The following C8orf34 variants were observed in gnomAD, a reference collection of about 807,000 sequenced individuals.
C8orf34 encodes the protein chromosome 8 open reading frame 34.
In C8orf34, 65 loss-of-function variants were observed where a neutral mutation model predicts 68.3. That is an observed-to-expected ratio of 0.95 (90% CI 0.78 to 1.17). The LOEUF is 1.17. C8orf34 is among the 50% of genes most tolerant of loss of function. The pLI, the probability that C8orf34 is intolerant of heterozygous loss-of-function variation, is 0.00. For synonymous variants in C8orf34, 244 were observed against 241.2 expected (o/e 1.01, Z -0.11); for missense variants, 664 against 655.4 (o/e 1.01, Z -0.14).
intron 3 of C8orf34, among the ~76,000 whole-genome samples, chr8:68,449,267 G>A (rs926193043): frequency 2.0e-5 from 3 of 151,966 alleles, no homozygotes; most frequent in Non-Finnish European, 2.9e-5. Context: ...AACAAATCAC[G>A]CCAAGACTTT....
intron 3 of C8orf34, among the ~76,000 whole-genome samples, chr8:68,455,306 C>T (rs1301419997): frequency 1.3e-5 from 2 of 152,156 alleles, no homozygotes; most frequent in Non-Finnish European, 2.9e-5. Flanking sequence ...GGTCTTCCTT[C>T]TATTTGCTCC....
At chr8:68,358,045 G>A (rs1382952269) in intron 1 of C8orf34, among the ~76,000 whole-genome samples, 3 of 151,970 alleles carry the variant, frequency 2.0e-5, no homozygotes, top group Non-Finnish European at 2.9e-5. Context: ...CTATTTGAAC[G>A]TAATTTATGC....
chr8:68,762,109 G>A (rs1823040734), intron 10 of C8orf34, among the ~76,000 whole-genome samples: 1 of 152,100 alleles, frequency 6.6e-6, no homozygotes, highest in Non-Finnish European at 1.5e-5. Flanking sequence ...TCTGGTGCTT[G>A]GCCAAGTCAG....
intron 11 of C8orf34, among the ~76,000 whole-genome samples, chr8:68,783,757 A>G (rs2978241): frequency 0.47 from 71,002 of 151,772 alleles, 19,280 homozygotes; most frequent in African/African-American, 0.75. Flanking sequence ...GCTGTGCCCC[A>G]ACCACCTCGG....
chr8:68,420,018 A>T (rs1353394832), intron 1 of C8orf34, among the ~76,000 whole-genome samples: 1 of 151,674 alleles, frequency 6.6e-6, no homozygotes, highest in African/African-American at 2.4e-5. Flanking sequence ...AAAAAAGAAA[A>T]GAAATTATCT....
intron 10 of C8orf34, among the ~76,000 whole-genome samples, chr8:68,766,134 T>A (rs1254988061): frequency 6.6e-6 from 1 of 152,208 alleles, no homozygotes; most frequent in Non-Finnish European, 1.5e-5. Context: ...ACCGCTTATC[T>A]GAAAAATCAA....
chr8:68,369,478 G>A lies in C8orf34; in HGVS notation c.327+38139G>A, dbSNP rs1411887936. 2.0e-5 allele frequency among the ~76,000 whole-genome samples: 3 copies of A among 152,182 alleles called. No homozygotes were observed. The East Asian group carries it at 5.8e-4, about 29-fold the overall frequency. On this transcript the variant is annotated intron_variant, in intron 1 of 13. Coordinates refer to ENST00000518698, the MANE Select transcript of C8orf34 (RefSeq NM_052958.4). The stretch of plus-strand genomic sequence containing the variant: ...GCCTCTTCTTTCTTTTTAGTCACTG[G>A]TCGTAATCAATTTTCCATGAAGGAC...
chr8:68,715,677 G>A (rs910697606), intron 9 of C8orf34, among the ~76,000 whole-genome samples: 2 of 151,680 alleles, frequency 1.3e-5, no homozygotes, highest in East Asian at 1.9e-4. Context: ...AGATGTTGGT[G>A]TGGATGTGGT....
At chr8:68,764,705 C>T (rs544441619) in intron 10 of C8orf34, among the ~76,000 whole-genome samples, 18 of 152,230 alleles carry the variant, frequency 1.2e-4, no homozygotes, top group Non-Finnish European at 2.1e-4. Flanking sequence ...CTTTGGGGGC[C>T]TCAGGTTTAT....
rs367758140 is a variant in C8orf34 at position 68,580,018 on chromosome 8, A to C, written c.1105+46869A>C. On this transcript the variant is annotated intron_variant, in intron 7 of 13. Coordinates refer to ENST00000518698, the MANE Select transcript of C8orf34 (RefSeq NM_052958.4). ...CTCTTAAAGAAACCTAAGACAAATG[A>C]ATTACTTTATAAAAGGCTGCTCATA... Among the ~76,000 whole-genome samples the C allele has an allele frequency of 3.9e-5, 6 of 152,282 alleles. No individual in the cohort carries two copies. The East Asian group carries it at 1.2e-3, about 29-fold the overall frequency.
chr8:68,671,435 G>A (rs11781537), intron 8 of C8orf34, among the ~76,000 whole-genome samples: 30,554 of 152,048 alleles, frequency 0.2, 3,530 homozygotes, highest in East Asian at 0.56. Flanking sequence ...ATACTTTAAT[G>A]GCATGTTAGA....
At chr8:68,487,077 T>A (rs1042618530) in intron 4 of C8orf34, among the ~76,000 whole-genome samples, 1 of 152,112 alleles carries the variant, frequency 6.6e-6, no homozygotes, top group Non-Finnish European at 1.5e-5. Context: ...GACAAGTTGA[T>A]AATGGAATGC....
chr8:68,628,434 CT>C (rs1818599364), intron 7 of C8orf34, among the ~76,000 whole-genome samples: 2 of 152,000 alleles, frequency 1.3e-5, no homozygotes, highest in African/African-American at 4.8e-5. Flanking sequence ...TCCTTTTTTT[CT>C]TTTCCCCTTT....
chr8:68,543,864 GA>G (rs1815780984), intron 7 of C8orf34, among the ~76,000 whole-genome samples: 1 of 152,116 alleles, frequency 6.6e-6, no homozygotes, highest in South Asian at 2.1e-4. Flanking sequence ...CAAAATATCT[GA>G]ACTTGACTCT....
At chr8:68,378,123 G>T (rs1461442571) in intron 1 of C8orf34, among the ~76,000 whole-genome samples, 1 of 152,116 alleles carries the variant, frequency 6.6e-6, no homozygotes, top group Non-Finnish European at 1.5e-5. Context: ...ATCAGGCAGA[G>T]ACCTGACAAA....
intron 12 of C8orf34, among the ~76,000 whole-genome samples, chr8:68,788,395 T>C (rs1823902497): frequency 2.0e-5 from 3 of 152,194 alleles, no homozygotes. Context: ...CCCACTTCCA[T>C]ACTGTGGGTT....
intron 1 of C8orf34, among the ~76,000 whole-genome samples, chr8:68,394,620 T>C (rs1433295312): frequency 1.3e-5 from 2 of 152,124 alleles, no homozygotes; most frequent in Non-Finnish European, 2.9e-5. Context: ...AGTAATTTGT[T>C]TCTAAACTTA....
At chr8:68,648,924 G>A (rs967229681) in intron 8 of C8orf34, among the ~76,000 whole-genome samples, 3 of 152,186 alleles carry the variant, frequency 2.0e-5, no homozygotes, top group African/African-American at 7.2e-5. Flanking sequence ...TCTTATCAAT[G>A]TGAACTCATT....
At chr8:68,668,657 G>A (rs1031419491) in intron 8 of C8orf34, among the ~76,000 whole-genome samples, 2 of 152,198 alleles carry the variant, frequency 1.3e-5, no homozygotes, top group African/African-American at 4.8e-5. Context: ...TTATATGACA[G>A]AGCTGACATT....
Sources: gnomAD v4.1 joint callset for allele counts (sites outside exome capture counted in the v4.1 genomes callset) on GRCh38, gnomAD v4.1.1 for gene constraint, MANE v1.5 for transcripts, NCBI Gene and HGNC (gene_info 2026-07-23, HGNC 2026-07-21) for gene names.